SCFD2: variants seen among roughly 807,000 people sequenced by gnomAD.
SCFD2 encodes sec1 family domain-containing protein 2.
A neutral mutation model predicts 58.9 loss-of-function variants in SCFD2; 54 were observed. The observed-to-expected ratio is 0.92, with a 90% CI of 0.74 to 1.15. The LOEUF is 1.15. Ranked by LOEUF, SCFD2 falls within the 50% of genes most tolerant of loss-of-function variation. The probability of loss-of-function intolerance (pLI) is 0.00; values close to 1 mark genes in which losing one functional copy is unlikely to be tolerated. For missense variants in SCFD2, 805 were observed against 836.6 expected, an observed-to-expected ratio of 0.96 and a Z score of 0.47; for synonymous variants, 321 against 335.9, an observed-to-expected ratio of 0.96 and a Z score of 0.49.
At chr4:53,109,765 A>G (rs1433172211) in intron 5 of SCFD2, among the ~76,000 whole-genome samples, 1 of 152,196 alleles carries the variant, frequency 6.6e-6, no homozygotes, top group African/African-American at 2.4e-5. Flanking sequence ...TAATAGGAAG[A>G]ATCAATATCA....
At chr4:53,287,423 A>T (rs1338025873) in intron 3 of SCFD2, among the ~76,000 whole-genome samples, 6 of 152,164 alleles carry the variant, frequency 3.9e-5, no homozygotes, top group African/African-American at 1.2e-4. Flanking sequence ...CTACAGTGCC[A>T]CCACTGTTGC....
intron 4 of SCFD2, among the ~76,000 whole-genome samples, chr4:53,202,406 C>T (rs1471125867): frequency 2.0e-5 from 3 of 151,474 alleles, no homozygotes; most frequent in South Asian, 2.1e-4. Context: ...GGTACCAGTA[C>T]CATGCTGTTT....
chr4:52,873,807 G>A lies in SCFD2; in HGVS notation c.*162C>T. On this transcript the variant is annotated 3_prime_UTR_variant, in exon 9 of 9. Transcript: ENST00000401642. ...TTTTTTAAGAATCACAGCAATCCAA[G>A]CAAAGTACCTCACTGAGTAGGTATC... The A allele has an allele frequency of 1.9e-5, 8 of 425,004 alleles. No individual in the cohort carries two copies. Among genetic ancestry groups the A allele is most frequent in the South Asian group, 6.0e-5 (1 of 16,614 alleles). The allele number at this position is 425,004 out of a possible 1,614,324, so 26.3% of individuals were successfully genotyped here.
intron 3 of SCFD2, among the ~76,000 whole-genome samples, chr4:53,295,251 T>C (rs1207360875): frequency 6.6e-6 from 1 of 152,240 alleles, no homozygotes; most frequent in Non-Finnish European, 1.5e-5. Context: ...ATTTTCACAA[T>C]ATTGATTCAT....
At chr4:53,310,969 A>G (rs1455859227) in intron 3 of SCFD2, among the ~76,000 whole-genome samples, 1 of 152,220 alleles carries the variant, frequency 6.6e-6, no homozygotes, top group African/African-American at 2.4e-5. Flanking sequence ...TATAGCAAGG[A>G]TGGGAGAATT....
intron 5 of SCFD2, among the ~76,000 whole-genome samples, chr4:53,023,786 A>T (rs1211262304): frequency 6.6e-6 from 1 of 152,192 alleles, no homozygotes; most frequent in Non-Finnish European, 1.5e-5. Context: ...TGCAACTGCA[A>T]GTGCTAGTCT....
chr4:52,883,349 G>A (rs574446091), intron 8 of SCFD2, among the ~76,000 whole-genome samples: 3 of 152,342 alleles, frequency 2.0e-5, no homozygotes, highest in African/African-American at 7.2e-5. Flanking sequence ...TGGAGATGAA[G>A]GACTTCATGA....
At position 52,970,690 on chromosome 4, in the gene SCFD2, C is replaced by T. The variant is rs147034655; in HGVS notation, c.1562-49820G>A. 7.2e-3 allele frequency among the ~76,000 whole-genome samples: 1,103 copies of T among 152,302 alleles called. 15 individuals are homozygous for T. Among genetic ancestry groups the T allele is most frequent in the African/African-American group, 0.025 (1,049 of 41,572 alleles). On this transcript the variant is annotated intron_variant, in intron 5 of 8. Transcript: ENST00000401642. ...AGTAGTGGTTCTCCCAGCACGCAGC[C>T]GGAAATATGAGAACAGACAGACTGC...
intron 7 of SCFD2, among the ~76,000 whole-genome samples, chr4:52,901,093 G>C (rs1272290380): frequency 6.6e-6 from 1 of 152,212 alleles, no homozygotes; most frequent in Non-Finnish European, 1.5e-5. Flanking sequence ...GCACTTCCCA[G>C]GTGAGGCGAT....
chr4:52,905,361 A>G (rs1189256953), intron 7 of SCFD2, among the ~76,000 whole-genome samples: 1 of 152,208 alleles, frequency 6.6e-6, no homozygotes, highest in Non-Finnish European at 1.5e-5. Context: ...GAATTGTAGG[A>G]GGGTTCAGCC....
At chr4:53,310,742 G>A (rs1482305370) in intron 3 of SCFD2, among the ~76,000 whole-genome samples, 1 of 152,162 alleles carries the variant, frequency 6.6e-6, no homozygotes, top group Non-Finnish European at 1.5e-5. Flanking sequence ...CCTTTAAGTA[G>A]ATGATGTTTA....
intron 4 of SCFD2, among the ~76,000 whole-genome samples, chr4:53,238,450 G>C (rs1729758568): frequency 6.7e-6 from 1 of 150,304 alleles, no homozygotes; most frequent in East Asian, 2.0e-4. Flanking sequence ...CGGGCAGGGG[G>C]CTGACCCCCC....
chr4:53,006,935 C>G (rs890311949), intron 5 of SCFD2, among the ~76,000 whole-genome samples: 20 of 151,952 alleles, frequency 1.3e-4, no homozygotes, highest in African/African-American at 4.8e-4. Flanking sequence ...CCTATGGATC[C>G]CAACAGCCAG....
chr4:52,967,391 C>A (rs944829653), intron 5 of SCFD2, among the ~76,000 whole-genome samples: 2 of 152,276 alleles, frequency 1.3e-5, no homozygotes, highest in South Asian at 2.1e-4. Flanking sequence ...TACTACATGG[C>A]AGTCCTTGTT....
chr4:53,037,171 G>T (rs1288868197), intron 5 of SCFD2, among the ~76,000 whole-genome samples: 3 of 151,900 alleles, frequency 2.0e-5, no homozygotes, highest in Non-Finnish European at 4.4e-5. Flanking sequence ...ATAAATTATA[G>T]GCCACTTCCC....
chr4:53,254,841 TTTTATTTTATTTTATTTTA>T (rs1447984311), intron 4 of SCFD2, among the ~76,000 whole-genome samples: 2 of 139,234 alleles, frequency 1.4e-5, no homozygotes, highest in Non-Finnish European at 3.1e-5. Flanking sequence ...TTTTATTTTA[TTTTATTTTATTTTATTTTA>T]TTTATTTTAT....
intron 2 of SCFD2, among the ~76,000 whole-genome samples, chr4:53,335,194 C>CAAAAAAA (rs56344451): frequency 6.2e-5 from 5 of 80,552 alleles, no homozygotes; most frequent in Non-Finnish European, 1.0e-4. Context: ...GACTCCGTCT[C>CAAAAAAA]AAAAAAAAAA....
At chr4:53,237,496 C>CG (rs752198026) in intron 4 of SCFD2, among the ~76,000 whole-genome samples, 58,099 of 65,836 alleles carry the variant, frequency 0.88, 28,966 homozygotes, top group Admixed American at 0.9. Flanking sequence ...CCCTCCCGGA[C>CG]GGGCGGCTGG....
intron 5 of SCFD2, among the ~76,000 whole-genome samples, chr4:52,973,369 C>A (rs1420290388): frequency 6.6e-6 from 1 of 152,112 alleles, no homozygotes; most frequent in Non-Finnish European, 1.5e-5. Context: ...TACAAACTAC[C>A]ATCAGAGAAT....
Sources: allele counts gnomAD v4.1 joint callset (sites outside exome capture counted in the v4.1 genomes callset), GRCh38; gene constraint gnomAD v4.1.1; transcripts MANE v1.5; gene names NCBI Gene and HGNC (gene_info 2026-07-23, HGNC 2026-07-21).